HDAC9: variants seen among roughly 807,000 people sequenced by gnomAD.
HDAC9 encodes histone deacetylase 9.
HDAC9 carries 41 observed loss-of-function variants against 139.4 expected under a neutral mutation model. The observed-to-expected ratio is 0.29, with a 90% CI of 0.23 to 0.38. The LOEUF (loss-of-function observed/expected upper bound fraction) is 0.38. Among genes scored for constraint, HDAC9 ranks in the 10% least tolerant of loss-of-function variants. The probability of loss-of-function intolerance (pLI) is 1.00; values close to 1 mark genes in which losing one functional copy is unlikely to be tolerated. For synonymous variants in HDAC9, 517 were observed against 476.2 expected, an observed-to-expected ratio of 1.09 and a Z score of -1.12; for missense variants, 1,147 against 1,297.0, an observed-to-expected ratio of 0.88 and a Z score of 1.78.
intron 2 of HDAC9, among the ~76,000 whole-genome samples, chr7:18,518,548 A>G (rs1243353631): frequency 6.6e-6 from 1 of 152,222 alleles, no homozygotes; most frequent in African/African-American, 2.4e-5. Flanking sequence ...AGTTTACTAG[A>G]TTTAGACTAC....
At chr7:18,874,171 T>C (rs188277484) in intron 21 of HDAC9, among the ~76,000 whole-genome samples, 2 of 151,652 alleles carry the variant, frequency 1.3e-5, no homozygotes, top group Non-Finnish European at 2.9e-5. Context: ...TTATAGGCAG[T>C]GGGATAAAAC....
chr7:18,406,455 G>A (rs1422326696), intron 1 of HDAC9, among the ~76,000 whole-genome samples: 1 of 151,714 alleles, frequency 6.6e-6, no homozygotes, highest in African/African-American at 2.4e-5. Context: ...TGCAAGTGGT[G>A]CGATCTCAGC....
intron 1 of HDAC9, among the ~76,000 whole-genome samples, chr7:18,383,995 A>G (rs1380490503): frequency 2.0e-5 from 3 of 152,136 alleles, no homozygotes; most frequent in African/African-American, 4.8e-5. Context: ...ATGTTTTACA[A>G]TGTTTTGTAA....
intron 6 of HDAC9, among the ~76,000 whole-genome samples, chr7:18,594,372 G>T (rs1831874165): frequency 6.6e-6 from 1 of 151,904 alleles, no homozygotes; most frequent in East Asian, 1.9e-4. Context: ...ATCTTTCATT[G>T]TCCTGTTTTT....
intron 16 of HDAC9, among the ~76,000 whole-genome samples, chr7:18,781,571 T>C (rs141546088): frequency 3.2e-4 from 48 of 152,194 alleles, no homozygotes; most frequent in Non-Finnish European, 1.2e-4. Context: ...CTTTGGGCAA[T>C]AGATTTGACT....
chr7:18,642,741 G>A (rs890910354), intron 8 of HDAC9, among the ~76,000 whole-genome samples: 7 of 152,084 alleles, frequency 4.6e-5, no homozygotes, highest in African/African-American at 1.7e-4. Context: ...AGGAGCCAGT[G>A]TGTTGCTGCC....
chr7:18,934,720 A>G (rs1162315905), intron 22 of HDAC9, among the ~76,000 whole-genome samples: 1 of 152,080 alleles, frequency 6.6e-6, no homozygotes, highest in African/African-American at 2.4e-5. Context: ...TCTTACATAT[A>G]CTGTTTCTGA....
intron 2 of HDAC9, among the ~76,000 whole-genome samples, chr7:18,201,865 A>G (rs568417138): frequency 1.3e-5 from 2 of 152,356 alleles, no homozygotes; most frequent in South Asian, 4.1e-4. Flanking sequence ...AGCCTAGGCA[A>G]CTGATTATTT....
intron 1 of HDAC9, among the ~76,000 whole-genome samples, chr7:18,456,788 G>A (rs1446632239): frequency 5.3e-5 from 8 of 152,094 alleles, no homozygotes; most frequent in Non-Finnish European, 2.9e-5. Context: ...GTTCACAAGA[G>A]ATTTTTCAAA....
chr7:18,927,094 A>T (rs561751615), intron 22 of HDAC9, among the ~76,000 whole-genome samples: 52 of 152,330 alleles, frequency 3.4e-4, no homozygotes, highest in South Asian at 6.2e-4. Context: ...TTTTAAACAT[A>T]ACCAGATAAT....
intron 1 of HDAC9, among the ~76,000 whole-genome samples, chr7:18,331,935 T>G (rs1800956452): frequency 6.6e-6 from 1 of 151,600 alleles, no homozygotes; most frequent in Non-Finnish European, 1.5e-5. Context: ...GTGCGGAGCC[T>G]CTTAGGAAAA....
chr7:18,441,835 A>T (rs1791794138), intron 1 of HDAC9, among the ~76,000 whole-genome samples: 1 of 152,112 alleles, frequency 6.6e-6, no homozygotes, highest in Admixed American at 6.5e-5. Context: ...TGGCGCCATC[A>T]CAGCTCACTG....
At chr7:18,797,246 C>G (rs1792880290) in intron 17 of HDAC9, among the ~76,000 whole-genome samples, 1 of 152,118 alleles carries the variant, frequency 6.6e-6, no homozygotes, top group South Asian at 2.1e-4. Flanking sequence ...TTCAACCACT[C>G]TATCAGGACA....
intron 6 of HDAC9, among the ~76,000 whole-genome samples, chr7:18,624,459 C>A (rs1419384085): frequency 6.6e-6 from 1 of 152,122 alleles, no homozygotes; most frequent in East Asian, 1.9e-4. Context: ...CAGATGAGCA[C>A]ACACACTAAA....
chr7:18,673,478 T>G (rs1211704562), intron 12 of HDAC9, among the ~76,000 whole-genome samples: 1 of 152,060 alleles, frequency 6.6e-6, no homozygotes, highest in African/African-American at 2.4e-5. Flanking sequence ...AAAGATATAG[T>G]ACAAAAAGTT....
chr7:18,171,869 T>G (rs1448134454), intron 2 of HDAC9, among the ~76,000 whole-genome samples: 1 of 152,230 alleles, frequency 6.6e-6, no homozygotes, highest in Non-Finnish European at 1.5e-5. Flanking sequence ...TGAGGACTTT[T>G]GCATCGATGT....
intron 17 of HDAC9, among the ~76,000 whole-genome samples, chr7:18,795,826 A>G (rs10248070): frequency 0.088 from 13,426 of 152,236 alleles, 670 homozygotes; most frequent in African/African-American, 0.14. Context: ...CCCAGTGCCT[A>G]CGTGTCCCAG....
intron 1 of HDAC9, among the ~76,000 whole-genome samples, chr7:18,313,255 A>G (rs190914640): frequency 2.0e-5 from 3 of 152,294 alleles, no homozygotes; most frequent in Non-Finnish European, 4.4e-5. Context: ...AATCAAGTGG[A>G]AACTTGGTAG....
intron 12 of HDAC9, among the ~76,000 whole-genome samples, chr7:18,715,058 A>G (rs1214106238): frequency 6.6e-6 from 1 of 152,184 alleles, no homozygotes; most frequent in African/African-American, 2.4e-5. Flanking sequence ...TTTAGATATT[A>G]TGTTACATTC....
Sources: allele counts gnomAD v4.1 joint callset (sites outside exome capture counted in the v4.1 genomes callset), GRCh38; gene constraint gnomAD v4.1.1; transcripts MANE v1.5; gene names NCBI Gene and HGNC (gene_info 2026-07-23, HGNC 2026-07-21).